Variants in ST8SIA5 observed in about 807,000 individuals in gnomAD.
ST8SIA5 encodes the protein alpha-2,8-sialyltransferase 8E.
In ST8SIA5, 24 loss-of-function variants were observed where a neutral mutation model predicts 40.2. The observed-to-expected ratio is 0.60, with a 90% CI of 0.43 to 0.84. ST8SIA5 has a LOEUF of 0.84. ST8SIA5 is among the 40% of genes least tolerant of loss of function. ST8SIA5 has a pLI of 0.00. For missense variants in ST8SIA5, 465 were observed against 498.5 expected, an observed-to-expected ratio of 0.93 and a Z score of 0.64; for synonymous variants, 198 against 201.8, an observed-to-expected ratio of 0.98 and a Z score of 0.16.
At chr18:46,734,683 G>T (rs1257489130) in intron 1 of ST8SIA5, among the ~76,000 whole-genome samples, 1 of 152,122 alleles carries the variant, frequency 6.6e-6, no homozygotes. Context: ...GGTGAGCATG[G>T]GCTCCTACAC....
Position 46,741,438 on chromosome 18 carries a change from G to A in ST8SIA5, c.131+14940C>T, listed in dbSNP as rs2040085636. Among the ~76,000 whole-genome samples the A allele has an allele frequency of 2.0e-5, 3 of 152,172 alleles. No individual in the cohort carries two copies. In the South Asian group the frequency reaches 6.2e-4, roughly 32 times the overall value. On this transcript the variant is annotated intron_variant, in intron 1 of 6. Transcript: ENST00000315087. ...ACATTAGGTGCAGATGGTTGTAGAG[G>A]TGAGGTCTACCAAACATTTAAAGAA...
At chr18:46,701,391 T>G (rs1298250826) in intron 2 of ST8SIA5, among the ~76,000 whole-genome samples, 1 of 152,070 alleles carries the variant, frequency 6.6e-6, no homozygotes, top group African/African-American at 2.4e-5. Context: ...TCCACCTGCC[T>G]CAGCCTCCCA....
intron 1 of ST8SIA5, among the ~76,000 whole-genome samples, chr18:46,712,429 TC>T (rs1318615487): frequency 2.0e-5 from 3 of 152,116 alleles, no homozygotes; most frequent in Non-Finnish European, 4.4e-5. Context: ...TTCGGTCTTC[TC>T]CCCCCTGGGG....
At chr18:46,684,804 T>C (rs2039429890) in intron 5 of ST8SIA5, among the ~76,000 whole-genome samples, 1 of 152,202 alleles carries the variant, frequency 6.6e-6, no homozygotes, top group Admixed American at 6.5e-5. Flanking sequence ...GTTATAGGGT[T>C]AGGTTGTTAA....
chr18:46,710,324 C>T lies in ST8SIA5; in HGVS notation c.132-5660G>A, dbSNP rs553073657. Among the ~76,000 whole-genome samples the T allele has an allele frequency of 1.8e-3, 278 of 151,458 alleles. 3 individuals carry two copies. Among genetic ancestry groups the T allele is most frequent in the Admixed American group, 2.8e-3 (42 of 15,226 alleles). On this transcript the variant is annotated intron_variant, in intron 1 of 6. Coordinates refer to ENST00000315087, the MANE Select transcript of ST8SIA5 (RefSeq NM_013305.6). ...GCTCCAGCTCTGTGGGCTAAGGAGG[C>T]CTCCTTTCTTTTTCTTCCTTTCCTT...
At chr18:46,725,175 C>A (rs900318077) in intron 1 of ST8SIA5, among the ~76,000 whole-genome samples, 2 of 152,068 alleles carry the variant, frequency 1.3e-5, no homozygotes, top group Non-Finnish European at 2.9e-5. Flanking sequence ...AGATTTAAAC[C>A]GAGGGCTAAC....
intron 1 of ST8SIA5, among the ~76,000 whole-genome samples, chr18:46,709,921 G>A (rs2039706184): frequency 6.6e-6 from 1 of 152,004 alleles, no homozygotes; most frequent in African/African-American, 2.4e-5. Context: ...ACTATCTCAA[G>A]CTTCCCCTTA....
intron 1 of ST8SIA5, among the ~76,000 whole-genome samples, chr18:46,755,482 G>A (rs991212612): frequency 6.6e-6 from 1 of 152,164 alleles, no homozygotes. Flanking sequence ...TCTGATATGG[G>A]TGTATCCTAG....
intron 1 of ST8SIA5, among the ~76,000 whole-genome samples, chr18:46,721,654 C>T (rs2144529234): frequency 6.6e-6 from 1 of 152,350 alleles, no homozygotes; most frequent in South Asian, 2.1e-4. Context: ...CTACAGTGCT[C>T]TCTGCGGTTC....
chr18:46,689,438 G>A lies in ST8SIA5; in HGVS notation c.312-519C>T, dbSNP rs559507826. 5.9e-5 allele frequency among the ~76,000 whole-genome samples: 9 copies of A among 152,254 alleles called. No homozygotes were observed. In the East Asian group the frequency reaches 1.5e-3, roughly 26 times the overall value. ...TGGATTCTTGCTTCTGCTCTGCCCC[G>A]ACCAGTTGTGAGGCTACTGGAAGGT... On this transcript the variant is annotated intron_variant, in intron 3 of 6. Coordinates refer to ENST00000315087, the MANE Select transcript of ST8SIA5 (RefSeq NM_013305.6).
chr18:46,752,888 G>C (rs74982066), intron 1 of ST8SIA5, among the ~76,000 whole-genome samples: 1 of 152,188 alleles, frequency 6.6e-6, no homozygotes, highest in African/African-American at 2.4e-5. Flanking sequence ...TCACTGGGCT[G>C]TGACAGTACC....
At chr18:46,715,012 C>CT (rs896778668) in intron 1 of ST8SIA5, among the ~76,000 whole-genome samples, 3 of 152,196 alleles carry the variant, frequency 2.0e-5, no homozygotes, top group Non-Finnish European at 4.4e-5. Flanking sequence ...CGGCCGCAGC[C>CT]TGGGTTCTGC....
chr18:46,739,312 C>T (rs996573981), intron 1 of ST8SIA5, among the ~76,000 whole-genome samples: 6 of 152,226 alleles, frequency 3.9e-5, no homozygotes, highest in Middle Eastern at 6.8e-3. Context: ...GAGGCTGAGG[C>T]GGGTGGATCA....
chr18:46,721,527 AC>A, intron 1 of ST8SIA5: 1 of 1,394,798 alleles, frequency 7.2e-7, no homozygotes, highest in Non-Finnish European at 9.8e-7. Context: ...AAGCCTGCCT[AC>A]CAGAGAGCCA....
chr18:46,686,816 C>CAAAAAA lies in ST8SIA5; in HGVS notation c.457-536_457-531dup, dbSNP rs752731256. On this transcript the variant is annotated intron_variant, in intron 4 of 6. Coordinates refer to ENST00000315087, the MANE Select transcript of ST8SIA5 (RefSeq NM_013305.6). ...CTATTAGACTTGTACCAGAGAAAGG[C>CAAAAAA]AAAAAAAAAAAAAAAAATAGTCATT... 6.5e-3 allele frequency among the ~76,000 whole-genome samples: 790 copies of CAAAAAA among 120,872 alleles called. 23 individuals carry two copies. The highest frequency in any genetic ancestry group is 0.025 in the African/African-American group (761 of 30,336). The allele number at this position is 120,872 out of a possible 152,430, so 79.3% of individuals were successfully genotyped here. A position where few individuals can be genotyped will look rare whatever the true frequency, so the allele number is the denominator to read the frequency against.
At chr18:46,694,374 T>C (rs1237983077) in intron 2 of ST8SIA5, among the ~76,000 whole-genome samples, 5 of 152,248 alleles carry the variant, frequency 3.3e-5, no homozygotes. Context: ...AAGAAAATTA[T>C]TGGATCGTCT....
At chr18:46,692,757 T>C (rs1218371905) in intron 2 of ST8SIA5, among the ~76,000 whole-genome samples, 2 of 151,984 alleles carry the variant, frequency 1.3e-5, no homozygotes, top group Admixed American at 6.5e-5. Context: ...GCCTTGCTAA[T>C]TCCTAGTTAG....
At chr18:46,695,394 T>G (rs2039548489) in intron 2 of ST8SIA5, among the ~76,000 whole-genome samples, 1 of 152,200 alleles carries the variant, frequency 6.6e-6, no homozygotes, top group African/African-American at 2.4e-5. Flanking sequence ...TTAGTTCAGA[T>G]AGCTGCCAAC....
intron 1 of ST8SIA5, among the ~76,000 whole-genome samples, chr18:46,725,982 T>TATATATATCCTGG (rs2039919626): frequency 2.2e-5 from 1 of 46,490 alleles, no homozygotes; most frequent in African/African-American, 8.8e-5. Flanking sequence ...AATATATATA[T>TATATATATCCTGG]ATATATATAT....
Sources: gnomAD v4.1 joint callset for allele counts (sites outside exome capture counted in the v4.1 genomes callset) on GRCh38, gnomAD v4.1.1 for gene constraint, MANE v1.5 for transcripts, NCBI Gene and HGNC (gene_info 2026-07-23, HGNC 2026-07-21) for gene names.